Variants in SNTG1 observed in about 807,000 individuals in gnomAD.
The protein encoded by SNTG1 is gamma-1-syntrophin.
In SNTG1, 39 loss-of-function variants were observed where a neutral mutation model predicts 74.7. That is an observed-to-expected ratio of 0.52 (90% CI 0.40 to 0.68). The LOEUF (loss-of-function observed/expected upper bound fraction) is 0.68, where lower values mean the gene tolerates loss of function less well. Among genes scored for constraint, SNTG1 ranks in the 30% least tolerant of loss-of-function variants. The pLI, the probability that SNTG1 is intolerant of heterozygous loss-of-function variation, is 0.00. For missense variants in SNTG1, 685 were observed against 609.5 expected (o/e 1.12, Z -1.30); for synonymous variants, 254 against 217.1 (o/e 1.17, Z -1.49).
intron 16 of SNTG1, among the ~76,000 whole-genome samples, chr8:50,707,707 CTT>C (rs1305620607): frequency 5.5e-5 from 7 of 127,730 alleles, no homozygotes; most frequent in Non-Finnish European, 9.3e-5. Flanking sequence ...TCTTCTCTCT[CTT>C]TGTCTCTATT....
intron 16 of SNTG1, among the ~76,000 whole-genome samples, chr8:50,705,475 G>T (rs2095440367): frequency 6.6e-6 from 1 of 151,902 alleles, no homozygotes; most frequent in Admixed American, 6.6e-5. Flanking sequence ...ATAGGAAATA[G>T]ATTTTAAAAT....
chr8:50,362,297 G>A (rs553162713), intron 2 of SNTG1, among the ~76,000 whole-genome samples: 1 of 152,136 alleles, frequency 6.6e-6, no homozygotes, highest in Non-Finnish European at 1.5e-5. Context: ...CGGTACCAAA[G>A]AAGGGGACAG....
chr8:50,299,753 G>A (rs757898868), intron 2 of SNTG1, among the ~76,000 whole-genome samples: 11 of 152,020 alleles, frequency 7.2e-5, no homozygotes, highest in African/African-American at 9.6e-5. Flanking sequence ...TGGGATCTCC[G>A]TTAGAACTAG....
At chr8:50,320,416 G>A (rs1406188766) in intron 2 of SNTG1, among the ~76,000 whole-genome samples, 1 of 151,658 alleles carries the variant, frequency 6.6e-6, no homozygotes, top group African/African-American at 2.4e-5. Flanking sequence ...TTCATAGTTA[G>A]TCTGACTACA....
At chr8:50,019,712 A>G (rs1208746233) in intron 1 of SNTG1, among the ~76,000 whole-genome samples, 2 of 152,070 alleles carry the variant, frequency 1.3e-5, no homozygotes, top group Admixed American at 6.6e-5. Flanking sequence ...CCAAAGACAC[A>G]AGGAAATGTT....
chr8:50,545,353 G>A (rs972198308), intron 11 of SNTG1, among the ~76,000 whole-genome samples: 1 of 150,924 alleles, frequency 6.6e-6, no homozygotes, highest in African/African-American at 2.4e-5. Context: ...CAGTGTCAAG[G>A]GCATTAGAAT....
chr8:50,552,681 A>T (rs1003028577), intron 11 of SNTG1, among the ~76,000 whole-genome samples: 2 of 152,192 alleles, frequency 1.3e-5, no homozygotes, highest in African/African-American at 4.8e-5. Flanking sequence ...ACAAATGTTA[A>T]GAGGAGACAA....
chr8:49,980,203 T>C (rs1812546390), intron 1 of SNTG1, among the ~76,000 whole-genome samples: 1 of 152,212 alleles, frequency 6.6e-6, no homozygotes, highest in Non-Finnish European at 1.5e-5. Context: ...GCAGCCACTA[T>C]TCTACTTTCT....
At chr8:50,094,651 C>G (rs2079861568) in intron 1 of SNTG1, among the ~76,000 whole-genome samples, 1 of 152,150 alleles carries the variant, frequency 6.6e-6, no homozygotes, top group South Asian at 2.1e-4. Flanking sequence ...CACACCAAAT[C>G]AGAATGGCTA....
chr8:50,013,167 C>A (rs1172192308), intron 1 of SNTG1, among the ~76,000 whole-genome samples: 2 of 152,076 alleles, frequency 1.3e-5, no homozygotes, highest in Non-Finnish European at 2.9e-5. Context: ...ATTTGCAAAT[C>A]TTTATACTGT....
intron 2 of SNTG1, among the ~76,000 whole-genome samples, chr8:50,233,126 A>G (rs2085714571): frequency 6.6e-6 from 1 of 151,658 alleles, no homozygotes; most frequent in Non-Finnish European, 1.5e-5. Context: ...AAAAGAAAGA[A>G]TAAAGCAGGA....
At chr8:50,489,485 A>G (rs13265616) in intron 8 of SNTG1, among the ~76,000 whole-genome samples, 130,928 of 152,206 alleles carry the variant, frequency 0.86, 56,437 homozygotes, top group Non-Finnish European at 0.89. Context: ...GTGTGAGATG[A>G]TATCTCATTG....
intron 1 of SNTG1, among the ~76,000 whole-genome samples, chr8:50,032,537 G>A (rs1318654553): frequency 1.3e-5 from 2 of 152,052 alleles, no homozygotes; most frequent in African/African-American, 2.4e-5. Flanking sequence ...GACCATTGTT[G>A]CTTTTGTTTT....
chr8:50,285,210 C>T (rs2088699695), intron 2 of SNTG1, among the ~76,000 whole-genome samples: 1 of 152,116 alleles, frequency 6.6e-6, no homozygotes, highest in African/African-American at 2.4e-5. Context: ...TCATTTTTCT[C>T]ACTATCACCA....
intron 12 of SNTG1, among the ~76,000 whole-genome samples, chr8:50,563,280 A>G (rs2094498251): frequency 6.6e-6 from 1 of 152,218 alleles, no homozygotes; most frequent in Non-Finnish European, 1.5e-5. Flanking sequence ...TGAGTCCCTT[A>G]TCAATCAACA....
intron 10 of SNTG1, among the ~76,000 whole-genome samples, chr8:50,533,810 A>T (rs1181649261): frequency 6.6e-6 from 1 of 152,170 alleles, no homozygotes; most frequent in African/African-American, 2.4e-5. Context: ...GCATCAAATC[A>T]AGATGCCACA....
intron 17 of SNTG1, among the ~76,000 whole-genome samples, chr8:50,739,876 A>C (rs560830457): frequency 2.0e-5 from 3 of 152,208 alleles, no homozygotes; most frequent in African/African-American, 7.2e-5. Flanking sequence ...TCAGTGGGGT[A>C]AGGATTCCCT....
At chr8:50,250,832 C>A (rs887419614) in intron 2 of SNTG1, among the ~76,000 whole-genome samples, 1 of 151,914 alleles carries the variant, frequency 6.6e-6, no homozygotes, top group African/African-American at 2.4e-5. Flanking sequence ...TTAAAATGAC[C>A]TTATTAGAAA....
intron 5 of SNTG1, among the ~76,000 whole-genome samples, chr8:50,442,512 C>T (rs1037635433): frequency 6.6e-6 from 1 of 152,002 alleles, no homozygotes; most frequent in Non-Finnish European, 1.5e-5. Flanking sequence ...TTCTTTCTCT[C>T]AGGTTGCCTT....
Sources: gnomAD v4.1 joint callset for allele counts (sites outside exome capture counted in the v4.1 genomes callset) on GRCh38, gnomAD v4.1.1 for gene constraint, MANE v1.5 for transcripts, NCBI Gene and HGNC (gene_info 2026-07-23, HGNC 2026-07-21) for gene names.